The following F2RL2 variants were observed in gnomAD, a reference collection of about 807,000 sequenced individuals.
The protein encoded by F2RL2 is coagulation factor II thrombin receptor like 2, also known as proteinase-activated receptor 3.
Under a neutral mutation model 4.3 loss-of-function variants are expected in F2RL2, and 4 were observed. That is an observed-to-expected ratio of 0.93 (90% CI 0.46 to 2.12). F2RL2 has a LOEUF of 2.12. Among genes scored for constraint, F2RL2 ranks in the 30% most tolerant of loss-of-function variants. The pLI is 0.02. For synonymous variants in F2RL2, 166 were observed against 170.9 expected (o/e 0.97, Z 0.22); for missense variants, 408 against 449.3 (o/e 0.91, Z 0.83).
At chr5:76,620,791 G>A (rs564394770) in intron 1 of F2RL2, among the ~76,000 whole-genome samples, 9 of 152,174 alleles carry the variant, frequency 5.9e-5, no homozygotes, top group East Asian at 1.9e-4. Context: ...AGATGAAATC[G>A]GTATGAGGAC....
At chr5:76,619,457 G>A (rs1749372283) in intron 1 of F2RL2, among the ~76,000 whole-genome samples, 1 of 150,296 alleles carries the variant, frequency 6.7e-6, no homozygotes, top group South Asian at 2.1e-4. Context: ...GAACCTACAA[G>A]TATATTCCTT....
chr5:76,618,267 G>A lies in F2RL2; in HGVS notation c.440C>T (p.Pro147Leu). The change falls in exon 2 of 2, where the codon CCC (proline) becomes CTC (leucine). Residue 147 changes from proline (P) to leucine (L), a missense_variant. Pro to Leu is a moderately conservative substitution (Grantham distance 98). Transcript: ENST00000296641. The part of the protein sequence containing the change: ...IADFLFCVTL[P>L]FKIAYHLNGN... The stretch of plus-strand genomic sequence containing the variant: ...ATTGAGATGATAAGCTATCTTAAAG[G>A]GCAATGTAACACAAAAAAGAAAATC... The A allele has an allele frequency of 6.2e-7, 1 of 1,614,164 alleles. No homozygotes were observed.
intron 1 of F2RL2, among the ~76,000 whole-genome samples, chr5:76,619,556 G>C (rs1053430127): frequency 7.8e-6 from 1 of 127,882 alleles, no homozygotes; most frequent in Non-Finnish European, 1.6e-5. Flanking sequence ...TCACTCTGTC[G>C]CCCAGGCTGG....
rs1420341256 is a variant in F2RL2, at chr5:76,619,636, C to T, written c.65-994G>A. Among the ~76,000 whole-genome samples, 4 of 151,840 alleles carry T rather than the reference C, an allele frequency of 2.6e-5. 1 individual carries two copies. Among genetic ancestry groups the T allele is most frequent in the Non-Finnish European group, 5.9e-5 (4 of 67,962 alleles). On this transcript the variant is annotated intron_variant, in intron 1 of 1. Coordinates refer to ENST00000296641, the MANE Select transcript of F2RL2 (RefSeq NM_004101.4). ...GGTTCACGCCATTCTCCTGCCTCAG[C>T]CTCCCCAGTAGCTGGGACTACAAGC...
chr5:76,618,671 A>C, intron 1 of F2RL2, 29 bp from the exon 2 acceptor site: 1 of 1,521,918 alleles, frequency 6.6e-7, no homozygotes. Flanking sequence ...ATTAACATAA[A>C]TGTATAGTTC....
chr5:76,618,326 A>G lies in F2RL2; in HGVS notation c.381T>C (p.Cys127=), dbSNP rs768699474. 1 of 1,614,232 alleles carries G rather than the reference A, an allele frequency of 6.2e-7. No homozygotes were observed. The highest frequency in any genetic ancestry group is 1.1e-5 in the South Asian group (1 of 91,084). The change falls in exon 2 of 2, where the codon TGT becomes TGC. Residue 127 remains cysteine, a synonymous_variant. Coordinates refer to ENST00000296641, the MANE Select transcript of F2RL2 (RefSeq NM_004101.4). ...WMLFFRTRSI[C]TTVFYTNLAI... The stretch of plus-strand genomic sequence containing the variant: ...CCAGGTTGGTGTAGAATACAGTGGT[A>G]CAGATGGATCTGGTCCTGAAGAAAA...
chr5:76,619,518 T>C (rs1330373292), intron 1 of F2RL2, among the ~76,000 whole-genome samples: 35 of 146,052 alleles, frequency 2.4e-4, no homozygotes, highest in African/African-American at 7.6e-4. Flanking sequence ...GATCTTCTTT[T>C]TTTTTTTTTT....
At position 76,623,237 on chromosome 5, in the gene F2RL2, G is replaced by T; in HGVS notation, c.-7C>A. On this transcript the variant is annotated 5_prime_UTR_variant, in exon 1 of 2. Coordinates refer to ENST00000296641, the MANE Select transcript of F2RL2 (RefSeq NM_004101.4). ...CAAAGATGAGGGCTTTCATTTTGAT[G>T]ACCTGAGTCCCGTCTCTTAAACGTT... 1.2e-6 allele frequency: 2 copies of T among 1,614,112 alleles called. No individual in the cohort carries two copies. Among genetic ancestry groups the T allele is most frequent in the Non-Finnish European group, 1.7e-6 (2 of 1,179,958 alleles).
At chr5:76,621,040 C>T (rs1360141707) in intron 1 of F2RL2, among the ~76,000 whole-genome samples, 1 of 152,130 alleles carries the variant, frequency 6.6e-6, no homozygotes, top group Non-Finnish European at 1.5e-5. Context: ...ACTTCTATGC[C>T]AAATATAAAC....
chr5:76,618,153 G>A lies in F2RL2; in HGVS notation c.554C>T (p.Ala185Val), dbSNP rs765324788. ...GNMYCSILLL[A>V]CISINRYLAI... ...CAGGTAGCGGTTGATGCTGATGCAGGCAAGGAGCAGAATGGAGCAGTACAT... is the reference window on the plus strand; with the variant it reads ...CAGGTAGCGGTTGATGCTGATGCAGACAAGGAGCAGAATGGAGCAGTACAT... The change falls in exon 2 of 2, where the codon GCC (alanine) becomes GTC (valine). Residue 185 changes from alanine (A) to valine (V), a missense_variant. Physicochemically the swap from Ala to Val is moderately conservative, Grantham distance 64. Coordinates refer to ENST00000296641, the MANE Select transcript of F2RL2 (RefSeq NM_004101.4). 6.2e-7 allele frequency: 1 copy of A among 1,614,170 alleles called. No homozygotes were observed. The highest frequency in any genetic ancestry group is 1.7e-5 in the Admixed American group (1 of 60,030).
At chr5:76,619,111 T>C (rs532035666) in intron 1 of F2RL2, among the ~76,000 whole-genome samples, 3 of 152,342 alleles carry the variant, frequency 2.0e-5, no homozygotes, top group African/African-American at 7.2e-5. Flanking sequence ...TCATGGGATC[T>C]GGGAATGCCA....
chr5:76,622,913 C>T (rs924592), intron 1 of F2RL2, among the ~76,000 whole-genome samples: 139,295 of 152,280 alleles, frequency 0.91, 63,979 homozygotes, highest in Middle Eastern at 0.98. Context: ...CTGACTTAAT[C>T]GTAGACATCT....
intron 1 of F2RL2, among the ~76,000 whole-genome samples, chr5:76,620,502 G>A (rs1749544658): frequency 6.6e-6 from 1 of 152,200 alleles, no homozygotes; most frequent in South Asian, 2.1e-4. Flanking sequence ...TCGGGGAGAA[G>A]CTACAATCTG....
chr5:76,623,148 C>T lies in F2RL2; in HGVS notation c.64+19G>A, dbSNP rs79814375. On this transcript the variant is annotated intron_variant, in intron 1 of 1. Transcript: ENST00000296641. The stretch of plus-strand genomic sequence containing the variant: ...CAGAAACCCACATCCCCATCCTACC[C>T]CCTGAGAAAATTGCTTACCACTCTG... 8.9e-4 allele frequency: 1,444 copies of T among 1,613,436 alleles called. 16 individuals are homozygous for T. In the African/African-American group the frequency reaches 0.017, roughly 19 times the overall value.
At chr5:76,622,532 T>C (rs147474241) in intron 1 of F2RL2, among the ~76,000 whole-genome samples, 1 of 152,326 alleles carries the variant, frequency 6.6e-6, no homozygotes, top group African/African-American at 2.4e-5. Context: ...CCCAAATTTG[T>C]TATTTTTGGA....
In F2RL2 at chr5:76,616,627, A is replaced by C. The variant is rs1748998812; in HGVS notation, c.*955T>G. ...AGCACTTTGGGAGGCTGAGATAGGA[A>C]GATCACTCGAGACCAGGAGTTCAAG... On this transcript the variant is annotated 3_prime_UTR_variant, in exon 2 of 2. Coordinates refer to ENST00000296641, the MANE Select transcript of F2RL2 (RefSeq NM_004101.4). 6.6e-6 allele frequency: 1 copy of C among 152,624 alleles called. No homozygotes were observed. Among genetic ancestry groups the C allele is most frequent in the African/African-American group, 2.4e-5 (1 of 41,392 alleles). The allele number at this position is 152,624 out of a possible 1,614,324, so 9.5% of individuals were successfully genotyped here. A position where few individuals can be genotyped will look rare whatever the true frequency, so the allele number is the denominator to read the frequency against.
At position 76,618,097 on chromosome 5, in the gene F2RL2, G is replaced by A; in HGVS notation, c.610C>T (p.Leu204=). The A allele has an allele frequency of 1.9e-6, 3 of 1,614,192 alleles. No individual in the cohort carries two copies. The highest frequency in any genetic ancestry group is 1.7e-6 in the Non-Finnish European group (2 of 1,180,038). The change falls in exon 2 of 2, where the codon CTG becomes TTG. Residue 204 remains leucine, a synonymous_variant. Coordinates refer to ENST00000296641, the MANE Select transcript of F2RL2 (RefSeq NM_004101.4). ...ACCAAGGCATAGGTGTGCTTGGGCAGGCCCCGGTAGGTGAAAGGATGGACG... is the reference window on the plus strand; with the variant it reads ...ACCAAGGCATAGGTGTGCTTGGGCAAGCCCCGGTAGGTGAAAGGATGGACG... ...AIVHPFTYRG[L]PKHTYALVTC...
chr5:76,619,813 C>T (rs561706200), intron 1 of F2RL2, among the ~76,000 whole-genome samples: 4 of 152,176 alleles, frequency 2.6e-5, no homozygotes, highest in Admixed American at 6.5e-5. Flanking sequence ...CCACCGCGCC[C>T]GGCCAGTTAA....
In F2RL2 at chr5:76,617,609, AT is replaced by A. The variant is rs1161780070; in HGVS notation, c.1097del (p.Asn366IlefsTer31). ...FLYFLMSKTRNHSTAYLTK is the reference protein window; with the variant it reads ...FLYFLMSKTRXHSTAYLTK ...ATTTTGTAAGGTAAGCAGTGGAGTG[AT>A]TTCTGGTTTTTGACATGAGAAAATA... On this transcript the variant is annotated frameshift_variant, in exon 2 of 2. Transcript: ENST00000296641. LOFTEE classifies it high-confidence loss of function. 4 of 1,613,202 alleles carry A rather than the reference AT, an allele frequency of 2.5e-6. No homozygotes were observed. The Admixed American group carries it at 6.7e-5, about 27-fold the overall frequency.
Sources: gnomAD v4.1 joint callset for allele counts (sites outside exome capture counted in the v4.1 genomes callset) on GRCh38, gnomAD v4.1.1 for gene constraint, MANE v1.5 for transcripts, NCBI Gene and HGNC (gene_info 2026-07-23, HGNC 2026-07-21) for gene names.